The following CCDC91 variants were observed in gnomAD, a reference collection of about 807,000 sequenced individuals.
CCDC91 encodes the protein coiled-coil domain-containing protein 91.
CCDC91 carries 48 observed loss-of-function variants against 63.2 expected under a neutral mutation model. The observed-to-expected ratio is 0.76, with a 90% CI of 0.60 to 0.97. CCDC91 has a LOEUF of 0.97. Ranked by LOEUF, CCDC91 falls within the 50% of genes least tolerant of loss-of-function variation. The pLI is 0.00. For missense variants in CCDC91, 500 were observed against 494.6 expected, an observed-to-expected ratio of 1.01 and a Z score of -0.10; for synonymous variants, 167 against 165.8, an observed-to-expected ratio of 1.01 and a Z score of -0.06.
chr12:28,260,303 T>G (rs1362851333), intron 3 of CCDC91, among the ~76,000 whole-genome samples: 1 of 151,990 alleles, frequency 6.6e-6, no homozygotes, highest in East Asian at 1.9e-4. Flanking sequence ...ATGTATATGT[T>G]TATACAGTTG....
At chr12:28,481,653 T>C (rs1221658817) in intron 11 of CCDC91, among the ~76,000 whole-genome samples, 1 of 152,010 alleles carries the variant, frequency 6.6e-6, no homozygotes, top group East Asian at 1.9e-4. Context: ...GATTAGAAAG[T>C]AGAAGGCTTA....
intron 7 of CCDC91, among the ~76,000 whole-genome samples, chr12:28,364,778 A>T (rs1220139358): frequency 6.6e-6 from 1 of 152,218 alleles, no homozygotes; most frequent in African/African-American, 2.4e-5. Flanking sequence ...GAAGAAAATC[A>T]TTCCACTTCT....
intron 3 of CCDC91, among the ~76,000 whole-genome samples, chr12:28,298,377 T>TCC (rs1555177592): frequency 1.4e-4 from 21 of 145,048 alleles, no homozygotes; most frequent in Admixed American, 2.8e-4. Flanking sequence ...TTTTTTTTTT[T>TCC]CCCCCCACAA....
At chr12:28,429,747 T>TCATGTAATATTTCATGTG (rs1948527202) in intron 8 of CCDC91, among the ~76,000 whole-genome samples, 1 of 152,124 alleles carries the variant, frequency 6.6e-6, no homozygotes, top group Non-Finnish European at 1.5e-5. Context: ...GAAATATTAC[T>TCATGTAATATTTCATGTG]CATGTAAAGT....
At chr12:28,513,855 T>C (rs192966428) in intron 12 of CCDC91, among the ~76,000 whole-genome samples, 1 of 151,998 alleles carries the variant, frequency 6.6e-6, no homozygotes, top group Non-Finnish European at 1.5e-5. Flanking sequence ...CTTTATCCAG[T>C]CTGTTATTGA....
intron 8 of CCDC91, among the ~76,000 whole-genome samples, chr12:28,443,815 G>A (rs748937650): frequency 6.6e-5 from 10 of 152,094 alleles, no homozygotes; most frequent in Admixed American, 2.0e-4. Context: ...TTAGACAAAC[G>A]AAATGGAAAA....
At chr12:28,326,207 A>G (rs920478156) in intron 6 of CCDC91, among the ~76,000 whole-genome samples, 1 of 152,078 alleles carries the variant, frequency 6.6e-6, no homozygotes, top group African/African-American at 2.4e-5. Context: ...GTAAGACACA[A>G]GTCCACATTT....
chr12:28,265,515 G>C (rs1029773467), intron 3 of CCDC91, among the ~76,000 whole-genome samples: 1 of 152,062 alleles, frequency 6.6e-6, no homozygotes, highest in African/African-American at 2.4e-5. Flanking sequence ...AAACCTGGAA[G>C]ACAGATGCCT....
intron 8 of CCDC91, among the ~76,000 whole-genome samples, chr12:28,439,649 G>C (rs1444189322): frequency 6.6e-6 from 1 of 151,520 alleles, no homozygotes; most frequent in African/African-American, 2.4e-5. Context: ...AAACTGCCAT[G>C]TGTGATTGTG....
At chr12:28,266,137 A>G (rs1455393277) in intron 3 of CCDC91, among the ~76,000 whole-genome samples, 1 of 152,004 alleles carries the variant, frequency 6.6e-6, no homozygotes, top group Non-Finnish European at 1.5e-5. Flanking sequence ...GTACATATAA[A>G]TACTAGTCTT....
intron 6 of CCDC91, among the ~76,000 whole-genome samples, chr12:28,357,923 CT>C (rs1943627031): frequency 6.6e-6 from 1 of 152,060 alleles, no homozygotes. Context: ...GGCTTGACTC[CT>C]TTAAAGATAG....
intron 8 of CCDC91, among the ~76,000 whole-genome samples, chr12:28,438,055 T>C (rs1949000711): frequency 6.6e-6 from 1 of 152,182 alleles, no homozygotes. Flanking sequence ...TAAGGATGTT[T>C]ATGACACTTA....
intron 1 of CCDC91, among the ~76,000 whole-genome samples, chr12:28,244,746 C>G (rs1359221756): frequency 6.6e-6 from 1 of 151,198 alleles, no homozygotes; most frequent in Non-Finnish European, 1.5e-5. Context: ...TTTGGTCTGT[C>G]TCACATAATG....
chr12:28,504,816 GCTAA>G (rs1238886640), intron 12 of CCDC91, among the ~76,000 whole-genome samples: 1 of 151,924 alleles, frequency 6.6e-6, no homozygotes, highest in Admixed American at 6.6e-5. Context: ...GTGTCTGGCA[GCTAA>G]CTGACTTAAG....
chr12:28,544,184 C>T lies in CCDC91; in HGVS notation c.1216-4879C>T, dbSNP rs1303510626. ...TGGCCTCCATCTACTTCTCTGATCT[C>T]CTCCCCTACCAGTCTCCTCCTTGGT... is the stretch of plus-strand genomic sequence containing the variant. On this transcript the variant is annotated intron_variant, in intron 12 of 12. Transcript: ENST00000536442. Among the ~76,000 whole-genome samples, 11 of 151,798 alleles carry T rather than the reference C, an allele frequency of 7.2e-5. No individual in the cohort carries two copies. The Admixed American group carries it at 7.3e-4, about 10-fold the overall frequency.
intron 3 of CCDC91, among the ~76,000 whole-genome samples, chr12:28,270,277 T>C (rs960256766): frequency 6.6e-6 from 1 of 152,108 alleles, no homozygotes; most frequent in African/African-American, 2.4e-5. Context: ...AGATATACTT[T>C]AGAACTGTGA....
intron 11 of CCDC91, among the ~76,000 whole-genome samples, chr12:28,471,758 C>CTTTTTT (rs375850875): frequency 4.7e-5 from 7 of 149,344 alleles, no homozygotes; most frequent in Non-Finnish European, 8.9e-5. Context: ...TTTTCTCTCT[C>CTTTTTT]TTTTTTTTTG....
chr12:28,527,939 T>C (rs1296315533), intron 12 of CCDC91, among the ~76,000 whole-genome samples: 2 of 152,102 alleles, frequency 1.3e-5, no homozygotes, highest in Non-Finnish European at 2.9e-5. Flanking sequence ...CTGGTCTCAC[T>C]CCCACTGTGC....
At chr12:28,274,423 A>G (rs964679067) in intron 3 of CCDC91, among the ~76,000 whole-genome samples, 6 of 152,112 alleles carry the variant, frequency 3.9e-5, no homozygotes, top group Non-Finnish European at 7.4e-5. Context: ...TCTATAAATT[A>G]CCTTGGGAAG....
Sources: allele counts gnomAD v4.1 joint callset (sites outside exome capture counted in the v4.1 genomes callset), GRCh38; gene constraint gnomAD v4.1.1; transcripts MANE v1.5; gene names NCBI Gene and HGNC (gene_info 2026-07-23, HGNC 2026-07-21).